ILRUN: variants seen among roughly 807,000 people sequenced by gnomAD.
ILRUN encodes the protein inflammation and lipid regulator with UBA-like and NBR1-like domains.
ILRUN carries 3 observed loss-of-function variants against 33.8 expected under a neutral mutation model. The observed-to-expected ratio is 0.09, with a 90% CI of 0.04 to 0.23. The LOEUF (loss-of-function observed/expected upper bound fraction) is 0.23, where lower values mean the gene tolerates loss of function less well. Ranked by LOEUF, ILRUN falls within the 10% of genes least tolerant of loss-of-function variation. ILRUN has a pLI of 1.00. For synonymous variants in ILRUN, 124 were observed against 138.9 expected (o/e 0.89, Z 0.75); for missense variants, 210 against 375.1 (o/e 0.56, Z 3.64).
At chr6:34,696,397 C>A (rs1000565252) in intron 1 of ILRUN, 49 bp downstream of exon 1, 1 of 1,520,216 alleles carries the variant, frequency 6.6e-7, no homozygotes, top group Non-Finnish European at 8.8e-7. Context: ...CCCTTCCCCT[C>A]GGGGCCCCCG....
intron 3 of ILRUN, among the ~76,000 whole-genome samples, chr6:34,614,434 A>T (rs374916093): frequency 0.065 from 6,407 of 98,978 alleles, 215 homozygotes; most frequent in African/African-American, 0.11. Flanking sequence ...AAAATAATAA[A>T]AAAAAAAAAA....
intron 1 of ILRUN, among the ~76,000 whole-genome samples, chr6:34,680,397 TA>T (rs1320635786): frequency 2.0e-5 from 3 of 152,194 alleles, no homozygotes; most frequent in African/African-American, 7.2e-5. Flanking sequence ...TATTATCGCT[TA>T]TTTTTTTGTT....
intron 3 of ILRUN, among the ~76,000 whole-genome samples, chr6:34,612,709 T>A (rs948030391): frequency 6.6e-6 from 1 of 152,058 alleles, no homozygotes; most frequent in African/African-American, 2.4e-5. Context: ...GAGTTCCAGA[T>A]CAGCCTGGGC....
rs1321613482 is a variant in ILRUN at position 34,614,437 on chromosome 6, A to ATAT, written c.512-7534_512-7533insATA. 6.9e-4 allele frequency among the ~76,000 whole-genome samples: 86 copies of ATAT among 124,564 alleles called. 1 individual carries two copies. Among genetic ancestry groups the ATAT allele is most frequent in the African/African-American group, 3.0e-3 (83 of 27,302 alleles). The allele number at this position is 124,564 out of a possible 152,430, so 81.7% of individuals were successfully genotyped here. A position where few individuals can be genotyped will look rare whatever the true frequency, so the allele number is the denominator to read the frequency against. Reference sequence around the variant, plus strand: ...ACTCCATCTCAAAAAATAATAAAAAAAAAAAAATATATATATATAAAATGT... The same window carrying ATAT: ...ACTCCATCTCAAAAAATAATAAAAAATATAAAAAAATATATATATATAAAATGT... On this transcript the variant is annotated intron_variant, in intron 3 of 4. Coordinates refer to ENST00000374023, the MANE Select transcript of ILRUN (RefSeq NM_024294.4).
At chr6:34,672,943 T>C (rs1763146989) in intron 1 of ILRUN, among the ~76,000 whole-genome samples, 1 of 152,142 alleles carries the variant, frequency 6.6e-6, no homozygotes, top group African/African-American at 2.4e-5. Flanking sequence ...TTCAGGGCAC[T>C]AGGGACACAG....
At chr6:34,606,932 T>C (rs768763183) in intron 3 of ILRUN, 28 bp from the exon 4 acceptor site, 5 of 1,566,986 alleles carry the variant, frequency 3.2e-6, no homozygotes, top group Non-Finnish European at 4.3e-6. Context: ...CTCATTTCAA[T>C]GCCAGGCTTA....
intron 2 of ILRUN, among the ~76,000 whole-genome samples, chr6:34,650,623 G>T (rs1442371506): frequency 6.6e-6 from 1 of 151,658 alleles, no homozygotes; most frequent in Non-Finnish European, 1.5e-5. Context: ...AGTAGAGATG[G>T]GGTTTTTAGT....
intron 1 of ILRUN, among the ~76,000 whole-genome samples, chr6:34,677,390 CTG>C (rs909344319): frequency 2.2e-4 from 33 of 151,798 alleles, no homozygotes; most frequent in Non-Finnish European, 3.2e-4. Context: ...CAATAAATGA[CTG>C]ATGAAGTTAC....
chr6:34,684,261 A>G (rs757979071), intron 1 of ILRUN, among the ~76,000 whole-genome samples: 4 of 152,200 alleles, frequency 2.6e-5, no homozygotes, highest in Non-Finnish European at 5.9e-5. Flanking sequence ...ATTGTTACCC[A>G]TCTGGCACCT....
chr6:34,609,236 C>T (rs888471749), intron 3 of ILRUN, among the ~76,000 whole-genome samples: 2 of 152,142 alleles, frequency 1.3e-5, no homozygotes, highest in Admixed American at 6.6e-5. Context: ...TGCCTGTAAT[C>T]CCAACACTTT....
Position 34,646,921 on chromosome 6 carries a change from A to T in ILRUN, c.314-123T>A. On this transcript the variant is annotated intron_variant, in intron 2 of 4. Transcript: ENST00000374023. The surrounding 1 kb of genome is among the most constrained non-coding windows in gnomAD (Gnocchi z 4.9). ...CACATACATACATAAACCTAACCAC[A>T]TATACCTAAGCCATATATTGTCTCA... 1 of 800,642 alleles carries T rather than the reference A, an allele frequency of 1.2e-6. No individual in the cohort carries two copies. Among genetic ancestry groups the T allele is most frequent in the African/African-American group, 1.7e-5 (1 of 58,488 alleles). 49.6% of individuals were successfully genotyped at this position (800,642 alleles called of 1,614,324 possible).
chr6:34,650,054 T>C (rs1046728579), intron 2 of ILRUN, among the ~76,000 whole-genome samples: 2 of 151,988 alleles, frequency 1.3e-5, no homozygotes, highest in East Asian at 1.9e-4. Context: ...CCCTCTCATA[T>C]GACAATCACA....
intron 3 of ILRUN, among the ~76,000 whole-genome samples, chr6:34,617,618 C>T (rs1303781860): frequency 6.6e-6 from 1 of 152,180 alleles, no homozygotes; most frequent in Non-Finnish European, 1.5e-5. Context: ...AGTTCATCAG[C>T]TTCTCAGTGA....
chr6:34,647,499 T>C lies in ILRUN; in HGVS notation c.314-701A>G, dbSNP rs1562016517. ...ACTAGTTGGAGGAGTTGGAGGTACT[T>C]GCGGATAGGATGGGAAGGAGGGTCA... On this transcript the variant is annotated intron_variant, in intron 2 of 4. Coordinates refer to ENST00000374023, the MANE Select transcript of ILRUN (RefSeq NM_024294.4). Among the ~76,000 whole-genome samples, 3 of 151,978 alleles carry C rather than the reference T, an allele frequency of 2.0e-5. No individual in the cohort carries two copies. In the East Asian group the frequency reaches 5.8e-4, roughly 29 times the overall value.
intron 3 of ILRUN, among the ~76,000 whole-genome samples, chr6:34,626,824 G>A (rs1762144207): frequency 6.6e-6 from 1 of 152,092 alleles, no homozygotes; most frequent in African/African-American, 2.4e-5. Context: ...GACCAACATG[G>A]TGAAACCCCA....
chr6:34,649,109 A>G (rs1317656087), intron 2 of ILRUN, among the ~76,000 whole-genome samples: 1 of 152,240 alleles, frequency 6.6e-6, no homozygotes, highest in Non-Finnish European at 1.5e-5. Context: ...TGGAGTATTT[A>G]AAGAACCTCT....
intron 1 of ILRUN, among the ~76,000 whole-genome samples, chr6:34,655,241 T>C (rs1251072506): frequency 6.6e-6 from 1 of 152,150 alleles, no homozygotes; most frequent in Non-Finnish European, 1.5e-5. Flanking sequence ...CCTCCCAAAG[T>C]GCTAGGATTA....
intron 2 of ILRUN, among the ~76,000 whole-genome samples, chr6:34,652,457 C>T (rs960358545): frequency 2.6e-5 from 4 of 152,314 alleles, no homozygotes; most frequent in African/African-American, 9.6e-5. Flanking sequence ...CAATGACACA[C>T]TGAACTTTCC....
intron 1 of ILRUN, among the ~76,000 whole-genome samples, chr6:34,690,533 C>T (rs1284416195): frequency 6.6e-6 from 1 of 151,692 alleles, no homozygotes; most frequent in African/African-American, 2.4e-5. Flanking sequence ...ATATATTTTA[C>T]CACAAATTCT....
Sources: gnomAD v4.1 joint callset for allele counts (sites outside exome capture counted in the v4.1 genomes callset) on GRCh38, gnomAD v4.1.1 for gene constraint, Gnocchi (gnomAD v3.1) non-coding constraint, MANE v1.5 for transcripts, NCBI Gene and HGNC (gene_info 2026-07-23, HGNC 2026-07-21) for gene names.